ZNF385D: variants seen among roughly 807,000 people sequenced by gnomAD.
ZNF385D encodes the protein zinc finger protein 385D.
ZNF385D carries 15 observed loss-of-function variants against 35.8 expected under a neutral mutation model. The ratio of observed to expected loss-of-function variants is 0.42; its 90% CI spans 0.28 to 0.64. The LOEUF (loss-of-function observed/expected upper bound fraction) is 0.64, where lower values mean the gene tolerates loss of function less well. ZNF385D is among the 30% of genes least tolerant of loss of function. The pLI, the probability that ZNF385D is intolerant of heterozygous loss-of-function variation, is 0.23. For missense variants in ZNF385D, 474 were observed against 494.6 expected (o/e 0.96, Z 0.39); for synonymous variants, 212 against 186.8 (o/e 1.13, Z -1.10).
intron 3 of ZNF385D, among the ~76,000 whole-genome samples, chr3:21,840,566 A>C (rs1176429491): frequency 1.1e-5 from 1 of 94,118 alleles, no homozygotes; most frequent in African/African-American, 5.1e-5. Context: ...TTTTCAAGAA[A>C]AGTTTTGTTT....
At chr3:22,067,346 G>A (rs188665963) in intron 3 of ZNF385D, among the ~76,000 whole-genome samples, 2 of 152,260 alleles carry the variant, frequency 1.3e-5, no homozygotes, top group Admixed American at 1.3e-4. Flanking sequence ...CAAGTTGACA[G>A]CAAGCAAGTA....
At position 22,113,188 on chromosome 3, in the gene ZNF385D, G is replaced by C. The variant is rs932081808; in HGVS notation, c.325+55629C>G. 1.8e-4 allele frequency among the ~76,000 whole-genome samples: 27 copies of C among 151,996 alleles called. 2 individuals carry two copies. Among genetic ancestry groups the C allele is most frequent in the African/African-American group, 6.3e-4 (26 of 41,388 alleles). On this transcript the variant is annotated intron_variant, in intron 3 of 5. Transcript: ENST00000494108. ...AAGTAAGAATGGGGGTGGGCTATGG[G>C]CCTTTGCAGTTCAAGTGCTGCTATT...
intron 3 of ZNF385D, among the ~76,000 whole-genome samples, chr3:21,544,467 G>A (rs1381559721): frequency 6.6e-6 from 1 of 152,128 alleles, no homozygotes; most frequent in Non-Finnish European, 1.5e-5. Context: ...TTATAAGAAG[G>A]TGTGGAAATG....
chr3:21,694,042 C>CTTTTTTTTTGTTTTTTTTTTTTTTTTT (rs2067380374), intron 1 of ZNF385D, among the ~76,000 whole-genome samples: 1 of 22,178 alleles, frequency 4.5e-5, no homozygotes, highest in Non-Finnish European at 8.5e-5. Flanking sequence ...CTACGCCTGG[C>CTTTTTTTTTGTTTTTTTTTTTTTTTTT]TTTTTTTTTT....
At chr3:21,698,245 T>A (rs981309274) in intron 1 of ZNF385D, among the ~76,000 whole-genome samples, 30 of 152,190 alleles carry the variant, frequency 2.0e-4, no homozygotes, top group African/African-American at 6.8e-4. Context: ...GCTCTATATA[T>A]ATCATGGAAT....
chr3:21,855,593 A>G (rs182840044), intron 3 of ZNF385D, among the ~76,000 whole-genome samples: 1 of 152,152 alleles, frequency 6.6e-6, no homozygotes, highest in East Asian at 1.9e-4. Context: ...CACCATACTA[A>G]TCAGAAAAGA....
intron 3 of ZNF385D, among the ~76,000 whole-genome samples, chr3:22,064,550 C>A (rs1198969785): frequency 6.6e-6 from 1 of 152,184 alleles, no homozygotes; most frequent in Non-Finnish European, 1.5e-5. Context: ...TGTCTGTCAT[C>A]AGATGAACAG....
rs1575432248 is a variant in ZNF385D at position 21,670,647 on chromosome 3, G to GCCCCCCCCC, written c.23-5620_23-5619insGGGGGGGGG. ...CTGAGAAATAAAAATGAAATCCTAA[G>GCCCCCCCCC]GCGCCCCCCCCCCCCCCCCCCCCCC... On this transcript the variant is annotated intron_variant, in intron 1 of 7. Transcript: ENST00000281523. Among the ~76,000 whole-genome samples the GCCCCCCCCC allele has an allele frequency of 4.4e-4, 7 of 15,758 alleles. 2 individuals are homozygous for GCCCCCCCCC. Among genetic ancestry groups the GCCCCCCCCC allele is most frequent in the African/African-American group, 1.2e-3 (5 of 4,068 alleles). 10.3% of individuals were successfully genotyped at this position (15,758 alleles called of 152,430 possible). A position where few individuals can be genotyped will look rare whatever the true frequency, so the allele number is the denominator to read the frequency against.
chr3:22,177,340 A>C (rs1397001052), intron 2 of ZNF385D, among the ~76,000 whole-genome samples: 1 of 152,204 alleles, frequency 6.6e-6, no homozygotes, highest in Non-Finnish European at 1.5e-5. Flanking sequence ...CCCCAGAAAA[A>C]TTTCTGAAGA....
intron 2 of ZNF385D, among the ~76,000 whole-genome samples, chr3:21,585,349 T>C (rs1025064885): frequency 2.6e-5 from 4 of 152,210 alleles, no homozygotes; most frequent in Non-Finnish European, 5.9e-5. Flanking sequence ...TTGGAATACA[T>C]AATTCCTTCC....
intron 4 of ZNF385D, among the ~76,000 whole-genome samples, chr3:21,446,405 G>A (rs1702148613): frequency 6.6e-6 from 1 of 151,372 alleles, no homozygotes; most frequent in Non-Finnish European, 1.5e-5. Flanking sequence ...GCAAGCCAGG[G>A]GAAGCTAGTT....
At chr3:21,882,500 A>T (rs1698332643) in intron 3 of ZNF385D, among the ~76,000 whole-genome samples, 1 of 152,040 alleles carries the variant, frequency 6.6e-6, no homozygotes, top group Non-Finnish European at 1.5e-5. Flanking sequence ...TTTTATATGC[A>T]CTAGAAAACA....
upstream of ZNF385D, among the ~76,000 whole-genome samples, chr3:21,754,865 G>A (rs1378332083): frequency 4.6e-5 from 7 of 152,144 alleles, no homozygotes; most frequent in African/African-American, 1.2e-4. Flanking sequence ...TGTGAATGAG[G>A]GAATGAATGA....
chr3:22,191,473 G>C (rs1422389918), intron 2 of ZNF385D, among the ~76,000 whole-genome samples: 2 of 145,928 alleles, frequency 1.4e-5, no homozygotes, highest in Non-Finnish European at 3.0e-5. Context: ...GGCAACAAGA[G>C]TGAAACTCCA....
At chr3:21,858,896 A>T (rs1696883184) in intron 3 of ZNF385D, among the ~76,000 whole-genome samples, 1 of 152,080 alleles carries the variant, frequency 6.6e-6, no homozygotes, top group Admixed American at 6.6e-5. Flanking sequence ...GTGCCAGTGA[A>T]TCCGATAACA....
intron 3 of ZNF385D, among the ~76,000 whole-genome samples, chr3:21,848,703 G>C (rs947276997): frequency 1.3e-5 from 2 of 151,982 alleles, no homozygotes; most frequent in Non-Finnish European, 2.9e-5. Context: ...TAGAATGCCT[G>C]AATAGTCGTA....
chr3:21,437,708 A>AAAAAAAAAAC (rs1701637456), intron 4 of ZNF385D, among the ~76,000 whole-genome samples: 1 of 108,962 alleles, frequency 9.2e-6, no homozygotes, highest in Non-Finnish European at 1.8e-5. Context: ...ATACAAAAAA[A>AAAAAAAAAAC]AAAAAAAAAA....
intron 3 of ZNF385D, among the ~76,000 whole-genome samples, chr3:21,824,350 A>C (rs191494192): frequency 1.3e-5 from 2 of 152,234 alleles, no homozygotes; most frequent in Non-Finnish European, 2.9e-5. Flanking sequence ...ACATTTGTCC[A>C]TATACATGAA....
intron 3 of ZNF385D, among the ~76,000 whole-genome samples, chr3:21,796,461 T>C (rs960381846): frequency 7.2e-5 from 11 of 152,176 alleles, no homozygotes; most frequent in African/African-American, 2.7e-4. Context: ...TTATCCTAGG[T>C]AGGCAAGGCT....
Sources: allele counts gnomAD v4.1 joint callset (sites outside exome capture counted in the v4.1 genomes callset), GRCh38; gene constraint gnomAD v4.1.1; transcripts MANE v1.5; gene names NCBI Gene and HGNC (gene_info 2026-07-23, HGNC 2026-07-21).